Variants in ATF1 observed in about 807,000 individuals in gnomAD.
ATF1 encodes the protein cyclic AMP-dependent transcription factor ATF-1.
Under a neutral mutation model 34.7 loss-of-function variants are expected in ATF1, and 16 were observed. The observed-to-expected ratio is 0.46, with a 90% CI of 0.31 to 0.70. The LOEUF is 0.70. Among genes scored for constraint, ATF1 ranks in the 30% least tolerant of loss-of-function variants. The probability of loss-of-function intolerance (pLI) is 0.05; values close to 1 mark genes in which losing one functional copy is unlikely to be tolerated. For synonymous variants in ATF1, 105 were observed against 113.1 expected (o/e 0.93, Z 0.46); for missense variants, 255 against 321.6 (o/e 0.79, Z 1.58).
chr12:50,776,909 G>A (rs1454605378), intron 1 of ATF1, among the ~76,000 whole-genome samples: 1 of 152,134 alleles, frequency 6.6e-6, no homozygotes, highest in African/African-American at 2.4e-5. Context: ...TGTTGCCCAG[G>A]CTGGAGGGCA....
chr12:50,817,718 T>C (rs183800056), intron 6 of ATF1, among the ~76,000 whole-genome samples: 1 of 152,156 alleles, frequency 6.6e-6, no homozygotes, highest in African/African-American at 2.4e-5. Flanking sequence ...GCAACTTTTA[T>C]ATAAAGAGAA....
Position 50,795,927 on chromosome 12 carries a change from A to G in ATF1, c.112A>G (p.Ser38Gly). 7.4e-6 allele frequency: 12 copies of G among 1,612,808 alleles called. No homozygotes were observed. Among genetic ancestry groups the G allele is most frequent in the Non-Finnish European group, 1.0e-5 (12 of 1,179,522 alleles). The stretch of plus-strand genomic sequence containing the variant: ...TTTTTAGGTATCATCTTTATCAGAA[A>G]GTGAGGAGTCCCAGGACTCATCCGA... ...IAQQVSSLSESEESQDSSDSI... is the reference protein window; with the variant it reads ...IAQQVSSLSEGEESQDSSDSI... Residue 38 changes from serine to glycine, a missense_variant, in exon 3 of 7, where the codon AGT becomes GGT. Coordinates refer to ENST00000262053, the MANE Select transcript of ATF1 (RefSeq NM_005171.5).
At chr12:50,765,035 C>T (rs1421530870) in intron 1 of ATF1, among the ~76,000 whole-genome samples, 5 of 152,190 alleles carry the variant, frequency 3.3e-5, no homozygotes, top group African/African-American at 7.2e-5. Context: ...CTTTGATCGA[C>T]GCCGTGCAGC....
chr12:50,806,412 A>G (rs963177877), intron 3 of ATF1: 2 of 492,950 alleles, frequency 4.1e-6, no homozygotes, highest in South Asian at 3.1e-5. Context: ...GGATGCTGAC[A>G]ATGGTTCCCA....
intron 1 of ATF1, among the ~76,000 whole-genome samples, chr12:50,777,044 G>A (rs1256922647): frequency 6.6e-6 from 1 of 152,096 alleles, no homozygotes; most frequent in African/African-American, 2.4e-5. Flanking sequence ...AGTAGAGATG[G>A]GGTTTCACTG....
At chr12:50,772,677 TC>T (rs1555199159) in intron 1 of ATF1, among the ~76,000 whole-genome samples, 1 of 80,416 alleles carries the variant, frequency 1.2e-5, no homozygotes, top group African/African-American at 3.7e-5. Flanking sequence ...AATATATTTT[TC>T]TCTCTCTCTC....
intron 3 of ATF1, among the ~76,000 whole-genome samples, chr12:50,797,192 C>G (rs1342447538): frequency 1.3e-5 from 2 of 152,178 alleles, no homozygotes; most frequent in African/African-American, 4.8e-5. Flanking sequence ...CTTCCAGCTT[C>G]TAGTCTCTCC....
intron 4 of ATF1, among the ~76,000 whole-genome samples, chr12:50,813,113 A>T (rs1230576667): frequency 1.3e-5 from 2 of 152,220 alleles, no homozygotes; most frequent in Non-Finnish European, 2.9e-5. Flanking sequence ...CTATTTGATC[A>T]TGCCTTATGG....
At chr12:50,771,558 G>A (rs1490113409) in intron 1 of ATF1, among the ~76,000 whole-genome samples, 3 of 151,982 alleles carry the variant, frequency 2.0e-5, no homozygotes, top group Admixed American at 1.3e-4. Flanking sequence ...ATGGATCTTC[G>A]TCCCTCTGCA....
At position 50,780,171 on chromosome 12, in the gene ATF1, C is replaced by T. The variant is rs1482170814; in HGVS notation, c.26C>T (p.Thr9Met). ...ATGGAAGATTCCCACAAGAGTACCA[C>T]GTCAGAGACAGCACCTCAACCTGGT... The part of the protein sequence containing the change: MEDSHKST[T>M]SETAPQPGSA... Residue 9 changes from threonine to methionine, a missense_variant, in exon 2 of 7, where the codon ACG becomes ATG. Physicochemically the swap from Thr to Met is moderately conservative, Grantham distance 81. This residue lies in a region of ATF1 where 221 missense variants were observed against 250.7 expected (regional missense o/e 0.88). Coordinates refer to ENST00000262053, the MANE Select transcript of ATF1 (RefSeq NM_005171.5). 5 of 1,613,314 alleles carry T rather than the reference C, an allele frequency of 3.1e-6. No homozygotes were observed. Among genetic ancestry groups the T allele is most frequent in the African/African-American group, 1.3e-5 (1 of 74,842 alleles).
intron 3 of ATF1, among the ~76,000 whole-genome samples, chr12:50,805,433 C>G (rs560668030): frequency 6.6e-6 from 1 of 151,774 alleles, no homozygotes; most frequent in South Asian, 2.1e-4. Flanking sequence ...TAGTGCATGC[C>G]TGTAGTCCCA....
At chr12:50,810,427 A>G (rs536571771) in intron 4 of ATF1, among the ~76,000 whole-genome samples, 2 of 151,454 alleles carry the variant, frequency 1.3e-5, no homozygotes, top group South Asian at 2.1e-4. Flanking sequence ...CATGTTGGCC[A>G]GGCTGGTCTC....
intron 6 of ATF1, among the ~76,000 whole-genome samples, chr12:50,817,543 A>T (rs1941868537): frequency 6.6e-6 from 1 of 152,174 alleles, no homozygotes. Context: ...TAAAGTGGTA[A>T]TACTGTCTGT....
chr12:50,797,223 C>T (rs187846630), intron 3 of ATF1, among the ~76,000 whole-genome samples: 1 of 152,294 alleles, frequency 6.6e-6, no homozygotes, highest in East Asian at 1.9e-4. Flanking sequence ...ATGATAATGA[C>T]TGCAATTTCC....
intron 3 of ATF1, among the ~76,000 whole-genome samples, chr12:50,804,548 T>C (rs1941576940): frequency 6.6e-6 from 1 of 151,996 alleles, no homozygotes; most frequent in Non-Finnish European, 1.5e-5. Flanking sequence ...CCAGGCGTGG[T>C]GATGTGTGCC....
At chr12:50,808,337 G>A (rs1220260582) in intron 3 of ATF1, among the ~76,000 whole-genome samples, 1 of 149,988 alleles carries the variant, frequency 6.7e-6, no homozygotes, top group Non-Finnish European at 1.5e-5. Context: ...GTTTGTTTTT[G>A]TTTCTTTTGA....
chr12:50,789,179 G>A (rs1453745987), intron 2 of ATF1, among the ~76,000 whole-genome samples: 2 of 151,780 alleles, frequency 1.3e-5, no homozygotes, highest in African/African-American at 2.4e-5. Context: ...CCACTTCCTG[G>A]GTTCAAGCAG....
At chr12:50,774,086 C>T (rs535463367) in intron 1 of ATF1, among the ~76,000 whole-genome samples, 98 of 152,078 alleles carry the variant, frequency 6.4e-4, no homozygotes, top group Non-Finnish European at 1.2e-3. Context: ...GGCTGGAGTG[C>T]ATTGGCACTA....
chr12:50,775,940 C>T (rs1033591891), intron 1 of ATF1, among the ~76,000 whole-genome samples: 2 of 152,096 alleles, frequency 1.3e-5, no homozygotes, highest in Non-Finnish European at 2.9e-5. Flanking sequence ...GGCCTGTAAT[C>T]GCAACACTTT....
Sources: allele counts gnomAD v4.1 joint callset (sites outside exome capture counted in the v4.1 genomes callset), GRCh38; gene constraint gnomAD v4.1.1; regional missense constraint gnomAD v4.1.1; transcripts MANE v1.5; gene names NCBI Gene and HGNC (gene_info 2026-07-23, HGNC 2026-07-21).